LRSAM1: variants seen among roughly 807,000 people sequenced by gnomAD.
The protein encoded by LRSAM1 is leucine rich repeat and sterile alpha motif containing 1.
In LRSAM1, 96 loss-of-function variants were observed where a neutral mutation model predicts 118.1. That is an observed-to-expected ratio of 0.81 (90% CI 0.69 to 0.96). The LOEUF is 0.96. Among genes scored for constraint, LRSAM1 ranks in the 40% least tolerant of loss-of-function variants. The probability of loss-of-function intolerance (pLI) is 0.00; values close to 1 mark genes in which losing one functional copy is unlikely to be tolerated. For synonymous variants in LRSAM1, 322 were observed against 364.2 expected, an observed-to-expected ratio of 0.88 and a Z score of 1.32; for missense variants, 804 against 915.5, an observed-to-expected ratio of 0.88 and a Z score of 1.57.
At chr9:127,495,080 T>C (rs1264890012) in intron 21 of LRSAM1, among the ~76,000 whole-genome samples, 1 of 152,032 alleles carries the variant, frequency 6.6e-6, no homozygotes, top group Non-Finnish European at 1.5e-5. Flanking sequence ...GCCTCTCGAG[T>C]AGCTGGGATT....
intron 4 of LRSAM1, 140 bp downstream of exon 4, chr9:127,455,194 T>G: frequency 1.1e-6 from 1 of 926,266 alleles, no homozygotes; most frequent in Non-Finnish European, 1.8e-6. Context: ...TAGATTTTGT[T>G]CTCGTCCAAA....
In LRSAM1 at chr9:127,473,936, G is replaced by A. The variant is rs764877541; in HGVS notation, c.750+5G>A. 5 of 1,614,168 alleles carry A rather than the reference G, an allele frequency of 3.1e-6. No individual in the cohort carries two copies. In the Admixed American group the frequency reaches 8.3e-5, roughly 27 times the overall value. Reference sequence around the variant, plus strand: ...AGGGAGGAGTTAGAGTGGCAGGTAAGACAAGGCAGCCTGCTGCACGCATAC... The same window carrying A: ...AGGGAGGAGTTAGAGTGGCAGGTAAAACAAGGCAGCCTGCTGCACGCATAC... On this transcript the variant is annotated splice_donor_5th_base_variant and intron_variant, in intron 11 of 25. Coordinates refer to ENST00000300417, the MANE Select transcript of LRSAM1 (RefSeq NM_001005373.4).
intron 9 of LRSAM1, among the ~76,000 whole-genome samples, chr9:127,464,067 C>T (rs932905879): frequency 4.6e-5 from 7 of 152,238 alleles, no homozygotes; most frequent in Admixed American, 6.5e-5. Flanking sequence ...CATGGTGGCA[C>T]GCAGTCTGGC....
chr9:127,497,978 C>T (rs1389301457), intron 24 of LRSAM1, among the ~76,000 whole-genome samples: 1 of 152,234 alleles, frequency 6.6e-6, no homozygotes, highest in African/African-American at 2.4e-5. Flanking sequence ...CCATCAGGTC[C>T]CATTGCTGGC....
intron 11 of LRSAM1, among the ~76,000 whole-genome samples, chr9:127,477,711 C>T (rs992672220): frequency 6.0e-5 from 9 of 151,146 alleles, no homozygotes; most frequent in Non-Finnish European, 1.2e-4. Context: ...GATTGTGCCA[C>T]TGCACTCCAG....
intron 23 of LRSAM1, 122 bp downstream of exon 23, chr9:127,496,217 G>A (rs901948347): frequency 3.5e-5 from 49 of 1,420,282 alleles, no homozygotes; most frequent in Non-Finnish European, 4.6e-5. Flanking sequence ...ATGGCCCAGG[G>A]CCACCTTGCT....
chr9:127,466,969 T>C (rs901582431), intron 9 of LRSAM1, among the ~76,000 whole-genome samples: 1 of 152,062 alleles, frequency 6.6e-6, no homozygotes, highest in Non-Finnish European at 1.5e-5. Flanking sequence ...TGCACTCCAG[T>C]CTGGGCAATG....
intron 19 of LRSAM1, among the ~76,000 whole-genome samples, chr9:127,490,138 G>A (rs938173115): frequency 2.6e-5 from 4 of 152,086 alleles, no homozygotes; most frequent in Non-Finnish European, 4.4e-5. Context: ...CGCCTGTGGA[G>A]TGGGGCTGGG....
intron 5 of LRSAM1, 118 bp from the exon 6 acceptor site, chr9:127,457,198 T>C: frequency 9.7e-7 from 1 of 1,029,578 alleles, no homozygotes; most frequent in Non-Finnish European, 1.5e-6. Flanking sequence ...CCCGTGGTGG[T>C]GTCTGGGAGA....
chr9:127,454,239 C>G (rs889893404), intron 2 of LRSAM1, among the ~76,000 whole-genome samples: 1 of 152,040 alleles, frequency 6.6e-6, no homozygotes, highest in African/African-American at 2.4e-5. Flanking sequence ...GTCGCAGCCT[C>G]TGCCCCCGTG....
In LRSAM1 at chr9:127,495,358, T is replaced by C; in HGVS notation, c.1638T>C (p.Asn546=). The change falls in exon 22 of 26, where the codon AAT becomes AAC. Residue 546 remains asparagine (N), a synonymous_variant. Coordinates refer to ENST00000300417, the MANE Select transcript of LRSAM1 (RefSeq NM_001005373.4). ...CCAAAAGTGAAACCAGGCAGGAAAA[T>C]TACTGGCTGATTCAGTATCAACGGC... The part of the protein sequence containing the change: ...LEAKSETRQE[N]YWLIQYQRLL... The C allele has an allele frequency of 1.2e-6, 2 of 1,614,024 alleles. No individual in the cohort carries two copies. Among genetic ancestry groups the C allele is most frequent in the South Asian group, 2.2e-5 (2 of 91,084 alleles).
At chr9:127,477,965 C>G (rs1835398465) in intron 11 of LRSAM1, among the ~76,000 whole-genome samples, 1 of 150,420 alleles carries the variant, frequency 6.6e-6, no homozygotes, top group Non-Finnish European at 1.5e-5. Context: ...AGGAGAATTG[C>G]TTGAACCCAG....
chr9:127,480,213 C>A (rs1835488400), intron 14 of LRSAM1, among the ~76,000 whole-genome samples: 9 of 152,186 alleles, frequency 5.9e-5, no homozygotes, highest in Admixed American at 5.9e-4. Flanking sequence ...CCTGTGGCCT[C>A]GGGCAAATGT....
At chr9:127,496,911 C>G (rs1836167487) in intron 23 of LRSAM1, among the ~76,000 whole-genome samples, 1 of 152,246 alleles carries the variant, frequency 6.6e-6, no homozygotes, top group Non-Finnish European at 1.5e-5. Flanking sequence ...TCTCTCCTCC[C>G]CCACCTGGTG....
intron 5 of LRSAM1, among the ~76,000 whole-genome samples, chr9:127,456,162 CAAAA>C (rs34459766): frequency 9.5e-5 from 9 of 94,764 alleles, no homozygotes; most frequent in Admixed American, 2.4e-4. Flanking sequence ...TGAGAATATG[CAAAA>C]AAAAAAAAAA....
intron 10 of LRSAM1, among the ~76,000 whole-genome samples, chr9:127,468,496 G>A (rs1202758638): frequency 6.6e-6 from 1 of 152,148 alleles, no homozygotes; most frequent in East Asian, 1.9e-4. Flanking sequence ...TCACCTGTGG[G>A]ACTTTCAGAA....
chr9:127,492,921 A>C, intron 21 of LRSAM1, 24 bp downstream of exon 21: 5 of 1,593,570 alleles, frequency 3.1e-6, no homozygotes, highest in East Asian at 2.2e-5. Context: ...TTCTGTGCTC[A>C]GCATCACACA....
Position 127,489,426 on chromosome 9 carries a change from T to A in LRSAM1, c.1348-18T>A, listed in dbSNP as rs1487552918. 1 of 1,601,058 alleles carries A rather than the reference T, an allele frequency of 6.2e-7. No individual in the cohort carries two copies. The highest frequency in any genetic ancestry group is 8.5e-7 in the Non-Finnish European group (1 of 1,174,980). ...TGTGGGCACGGCCCCTGCTGAGGGC[T>A]GGTGGTCTGTGTTGCAGAGCGCGAT... On this transcript the variant is annotated intron_variant, in intron 18 of 25. Transcript: ENST00000300417.
intron 18 of LRSAM1, 138 bp from the exon 19 acceptor site, chr9:127,489,306 G>T: frequency 1.0e-6 from 1 of 997,094 alleles, no homozygotes; most frequent in Non-Finnish European, 1.5e-6. Flanking sequence ...ACACAAGTGA[G>T]GTGAAATCTT....
Sources: allele counts gnomAD v4.1 joint callset (sites outside exome capture counted in the v4.1 genomes callset), GRCh38; gene constraint gnomAD v4.1.1; transcripts MANE v1.5; gene names NCBI Gene and HGNC (gene_info 2026-07-23, HGNC 2026-07-21).